RARS1: variants seen among roughly 807,000 people sequenced by gnomAD.
The protein encoded by RARS1 is arginine--tRNA ligase, cytoplasmic.
In RARS1, 75 loss-of-function variants were observed where a neutral mutation model predicts 78.7. The ratio of observed to expected loss-of-function variants is 0.95; its 90% confidence interval spans 0.79 to 1.15. The LOEUF is 1.15. Among genes scored for constraint, RARS1 ranks in the 50% most tolerant of loss-of-function variants. RARS1 has a pLI of 0.00. For missense variants in RARS1, 787 were observed against 787.5 expected (o/e 1.00, Z 0.01); for synonymous variants, 273 against 268.2 (o/e 1.02, Z -0.18).
chr5:168,504,085 C>CGA (rs771935583), intron 9 of RARS1, among the ~76,000 whole-genome samples: 129 of 142,472 alleles, frequency 9.1e-4, no homozygotes, highest in Non-Finnish European at 1.4e-3. Context: ...AAAAGAATAA[C>CGA]GAGAGAGAGA....
At chr5:168,501,927 T>C (rs1341493694) in intron 8 of RARS1, 74 bp from the exon 9 acceptor site, 3 of 1,530,006 alleles carry the variant, frequency 2.0e-6, no homozygotes, top group African/African-American at 2.8e-5. Flanking sequence ...TTTATTTCAA[T>C]GTAAGATGCA....
chr5:168,494,688 AG>A (rs1453025664), intron 5 of RARS1, 38 bp downstream of exon 5: 1 of 1,385,420 alleles, frequency 7.2e-7, no homozygotes, highest in East Asian at 2.3e-5. Flanking sequence ...TTAGTATCTT[AG>A]AACTGCGTGG....
intron 9 of RARS1, among the ~76,000 whole-genome samples, chr5:168,504,806 C>T (rs906536127): frequency 6.6e-6 from 1 of 151,532 alleles, no homozygotes; most frequent in Non-Finnish European, 1.5e-5. Context: ...GCCTGGATGA[C>T]AGAGCGAGAC....
chr5:168,505,512 A>C (rs4976619), intron 9 of RARS1, among the ~76,000 whole-genome samples: 19,833 of 152,144 alleles, frequency 0.13, 1,731 homozygotes, highest in Non-Finnish European at 0.19. Context: ...GAGGAAGGTT[A>C]TGGCTCCAGC....
rs893519424 is a variant in RARS1, at chr5:168,497,314, C to T, written c.788C>T (p.Ser263Leu). The change falls in exon 7 of 15, where the codon TCA becomes TTA. Residue 263 changes from serine to leucine, a missense_variant. Coordinates refer to ENST00000231572, the MANE Select transcript of RARS1 (RefSeq NM_002887.4). ...AAATTTCCAGATTATCTAACAGTTTCACCTCCTATTGGGGATCTTCAGGTC... is the reference window on the plus strand; with the variant it reads ...AAATTTCCAGATTATCTAACAGTTTTACCTCCTATTGGGGATCTTCAGGTC... ...QDKFPDYLTV[S>L]PPIGDLQVFY... The T allele has an allele frequency of 1.3e-6, 2 of 1,590,086 alleles. No individual in the cohort carries two copies. Among genetic ancestry groups the T allele is most frequent in the Non-Finnish European group, 1.7e-6 (2 of 1,167,004 alleles).
At chr5:168,494,248 A>C in intron 4 of RARS1, 2 of 985,274 alleles carry the variant, frequency 2.0e-6, no homozygotes, top group Non-Finnish European at 2.4e-6. Flanking sequence ...CAAAATGAGG[A>C]TAGATAATGG....
At position 168,503,858 on chromosome 5, in the gene RARS1, G is replaced by A. The variant is rs534971348; in HGVS notation, c.1057+1753G>A. Among the ~76,000 whole-genome samples, 103 of 151,872 alleles carry A rather than the reference G, an allele frequency of 6.8e-4. 1 individual carries two copies. The highest frequency in any genetic ancestry group is 2.4e-3 in the African/African-American group (99 of 41,390). ...GGCTGAGGCAGGAGGACCACTTGAGGCCAGGAGTTTGAGGTCAGTCTGCGC... is the reference window on the plus strand; with the variant it reads ...GGCTGAGGCAGGAGGACCACTTGAGACCAGGAGTTTGAGGTCAGTCTGCGC... On this transcript the variant is annotated intron_variant, in intron 9 of 14. Coordinates refer to ENST00000231572, the MANE Select transcript of RARS1 (RefSeq NM_002887.4).
At position 168,497,337 on chromosome 5, in the gene RARS1, G is replaced by A. The variant is rs375643797; in HGVS notation, c.811G>A (p.Val271Ile). 1.6e-5 allele frequency: 26 copies of A among 1,576,950 alleles called. No homozygotes were observed. The African/African-American group carries it at 3.1e-4, about 19-fold the overall frequency. Residue 271 changes from valine to isoleucine, a missense_variant, in exon 7 of 15, where the codon GTC becomes ATC. Coordinates refer to ENST00000231572, the MANE Select transcript of RARS1 (RefSeq NM_002887.4). Reference sequence around the variant, plus strand: ...TTCACCTCCTATTGGGGATCTTCAGGTCTTTTATAAGGTTTGATACCATTT... The same window carrying A: ...TTCACCTCCTATTGGGGATCTTCAGATCTTTTATAAGGTTTGATACCATTT... ...TVSPPIGDLQ[V>I]FYKESKKRFD...
rs11557637 is a variant in RARS1 at position 168,497,255 on chromosome 5, C to A, written c.729C>A (p.Thr243=). 262,774 of 1,577,940 alleles carry A rather than the reference C, an allele frequency of 0.17. 24,025 individuals are homozygous for A. The highest frequency in any genetic ancestry group is 0.19 in the Non-Finnish European group (219,831 of 1,159,010). The part of the protein sequence containing the change: ...LRLNHVGDWG[T]QFGMLIAHLQ... ...TAAATCATGTAGGAGACTGGGGGAC[C>A]CAGTTTGGCATGCTCATCGCTCACC... The change falls in exon 7 of 15, where the codon ACC becomes ACA. Residue 243 remains threonine, a synonymous_variant. Transcript: ENST00000231572.
intron 6 of RARS1, chr5:168,496,922 A>G (rs558826834): frequency 3.5e-5 from 8 of 228,556 alleles, no homozygotes; most frequent in East Asian, 8.9e-5. Flanking sequence ...CATTGTCTCA[A>G]TTAGCTACAA....
At chr5:168,510,998 G>A (rs1365238127) in intron 12 of RARS1, among the ~76,000 whole-genome samples, 1 of 152,134 alleles carries the variant, frequency 6.6e-6, no homozygotes, top group African/African-American at 2.4e-5. Context: ...TGATTCGTCA[G>A]CTCACATCAG....
At chr5:168,488,156 C>A in intron 1 of RARS1, 1 of 372,114 alleles carries the variant, frequency 2.7e-6, no homozygotes, top group Non-Finnish European at 5.2e-6. Context: ...GAAACAGAGT[C>A]TCGCTCTGTC....
intron 9 of RARS1, among the ~76,000 whole-genome samples, chr5:168,504,501 G>A (rs184763944): frequency 3.3e-5 from 4 of 122,696 alleles, no homozygotes; most frequent in East Asian, 2.5e-4. Context: ...CCAGCCTGGC[G>A]ACAAAGCAAG....
chr5:168,515,912 C>T (rs2113035850), intron 12 of RARS1, among the ~76,000 whole-genome samples: 1 of 152,286 alleles, frequency 6.6e-6, no homozygotes, highest in African/African-American at 2.4e-5. Flanking sequence ...GAGTCTTTGA[C>T]TCCTCTGTGG....
chr5:168,495,964 C>T (rs941134553), intron 6 of RARS1, among the ~76,000 whole-genome samples: 4 of 152,016 alleles, frequency 2.6e-5, no homozygotes, highest in African/African-American at 7.2e-5. Flanking sequence ...GCTTGGGCAA[C>T]ATAGCAAGAA....
chr5:168,486,672 G>A, intron 1 of RARS1, 129 bp downstream of exon 1: 1 of 935,942 alleles, frequency 1.1e-6, no homozygotes, highest in Non-Finnish European at 1.6e-6. Context: ...GGAGCGGCAC[G>A]GTCCCTGTGG....
Position 168,501,995 on chromosome 5 carries a change from C to G in RARS1, c.953-6C>G. Reference sequence around the variant, plus strand: ...TTATTTGGTGGCATTTTATTTTCTTCCCTAGAGTTAAATAAAATCTATGAT... The same window carrying G: ...TTATTTGGTGGCATTTTATTTTCTTGCCTAGAGTTAAATAAAATCTATGAT... On this transcript the variant is annotated splice_region_variant and splice_polypyrimidine_tract_variant and intron_variant, in intron 8 of 14. Transcript: ENST00000231572. 6.3e-7 allele frequency: 1 copy of G among 1,585,510 alleles called. No individual in the cohort carries two copies. The highest frequency in any genetic ancestry group is 1.4e-5 in the African/African-American group (1 of 73,536).
intron 11 of RARS1, among the ~76,000 whole-genome samples, chr5:168,508,896 G>C (rs901717733): frequency 2.6e-5 from 4 of 152,122 alleles, no homozygotes; most frequent in African/African-American, 9.7e-5. Context: ...CTATCATCTA[G>C]AGCAGAGCAG....
chr5:168,493,543 G>A (rs745327722), intron 3 of RARS1, among the ~76,000 whole-genome samples: 9 of 148,670 alleles, frequency 6.1e-5, no homozygotes, highest in Non-Finnish European at 1.0e-4. Flanking sequence ...GCTGAGGCAG[G>A]AGAATTGCTT....
Sources: gnomAD v4.1 joint callset for allele counts (sites outside exome capture counted in the v4.1 genomes callset) on GRCh38, gnomAD v4.1.1 for gene constraint, MANE v1.5 for transcripts, NCBI Gene and HGNC (gene_info 2026-07-23, HGNC 2026-07-21) for gene names.